Variants in DNAH12 observed in about 807,000 individuals in gnomAD.
DNAH12 encodes the protein axonemal beta dynein heavy chain 12.
In DNAH12, 285 loss-of-function variants were observed where a neutral mutation model predicts 371.5. The ratio of observed to expected loss-of-function variants is 0.77; its 90% CI spans 0.70 to 0.85. DNAH12 has a LOEUF of 0.85. Ranked by LOEUF, DNAH12 falls within the 40% of genes least tolerant of loss-of-function variation. The pLI is 0.00. For missense variants in DNAH12, 3,611 were observed against 3,689.4 expected (o/e 0.98, Z 0.55); for synonymous variants, 1,200 against 1,213.0 (o/e 0.99, Z 0.22).
intron 57 of DNAH12, among the ~76,000 whole-genome samples, 167 bp downstream of exon 57, chr3:57,366,562 G>A (rs2063056752): frequency 6.6e-6 from 1 of 152,138 alleles, no homozygotes; most frequent in Non-Finnish European, 1.5e-5. Context: ...AACACGGTTG[G>A]CTTATAACTT....
intron 11 of DNAH12, among the ~76,000 whole-genome samples, chr3:57,495,120 C>T (rs1391424380): frequency 6.6e-6 from 1 of 151,882 alleles, no homozygotes; most frequent in African/African-American, 2.4e-5. Flanking sequence ...TAACAGAGTA[C>T]CAAAATATGT....
intron 2 of DNAH12, among the ~76,000 whole-genome samples, chr3:57,538,186 C>T (rs545368533): frequency 6.6e-6 from 1 of 152,116 alleles, no homozygotes; most frequent in Non-Finnish European, 1.5e-5. Flanking sequence ...GCAAAGTGAG[C>T]GCTGACTGAA....
chr3:57,492,014 T>C (rs989906457), intron 11 of DNAH12, among the ~76,000 whole-genome samples: 1 of 151,444 alleles, frequency 6.6e-6, no homozygotes, highest in Admixed American at 6.6e-5. Flanking sequence ...AAAAAAAAAT[T>C]AGACGGGCAT....
chr3:57,337,768 A>C (rs978025978), intron 60 of DNAH12, among the ~76,000 whole-genome samples: 8 of 152,206 alleles, frequency 5.3e-5, no homozygotes, highest in Non-Finnish European at 7.3e-5. Context: ...ACCCCAATAC[A>C]ACAACAGTTG....
At position 57,418,737 on chromosome 3, in the gene DNAH12, CTTCT is replaced by C. The variant is rs759737809; in HGVS notation, c.5714+626_5714+629del. On this transcript the variant is annotated intron_variant, in intron 37 of 73. Transcript: ENST00000495027. ...GGTCACAGAATGCATTCAGGAACAG[CTTCT>C]TTATCAAAAAAATGACATTTATGAT... Among the ~76,000 whole-genome samples, 147 of 152,082 alleles carry C rather than the reference CTTCT, an allele frequency of 9.7e-4. 1 individual carries two copies. The highest frequency in any genetic ancestry group is 1.6e-3 in the Non-Finnish European group (112 of 67,988).
At position 57,405,043 on chromosome 3, in the gene DNAH12, A is replaced by G. The variant is rs907654130; in HGVS notation, c.6681T>C (p.Phe2227=). Residue 2227 remains phenylalanine (F), a synonymous_variant, in exon 42 of 74, where the codon TTT becomes TTC. Coordinates refer to ENST00000495027, the MANE Select transcript of DNAH12 (RefSeq NM_001366028.2). Reference sequence around the variant, plus strand: ...CTAAGCACTGGTCCACAACATCACTAAAATGATGAATATTTGGAATTTCAA... The same window carrying G: ...CTAAGCACTGGTCCACAACATCACTGAAATGATGAATATTTGGAATTTCAA... ...VYIEIPNIHH[F]SDVVDQCLDE... 1.4e-5 allele frequency: 21 copies of G among 1,546,676 alleles called. No individual in the cohort carries two copies. The highest frequency in any genetic ancestry group is 1.8e-5 in the Non-Finnish European group (21 of 1,145,510).
At chr3:57,438,106 C>T (rs934991217) in intron 29 of DNAH12, among the ~76,000 whole-genome samples, 1 of 152,046 alleles carries the variant, frequency 6.6e-6, no homozygotes, top group African/African-American at 2.4e-5. Context: ...ATCAGGAGTT[C>T]AAGACCAGCC....
chr3:57,390,511 A>G (rs1207449654), intron 45 of DNAH12, among the ~76,000 whole-genome samples: 1 of 136,094 alleles, frequency 7.3e-6, no homozygotes, highest in Non-Finnish European at 1.6e-5. Context: ...TGATTTCCCA[A>G]ACAAAACCAG....
chr3:57,359,559 C>CAAAAAAAAAAAAAAAAAAAAAAAAAAA (rs1268515074), intron 58 of DNAH12, among the ~76,000 whole-genome samples: 2 of 72,106 alleles, frequency 2.8e-5, no homozygotes, highest in African/African-American at 4.4e-5. Context: ...AACTCCATCT[C>CAAAAAAAAAAAAAAAAAAAAAAAAAAA]AAAAAAAAAA....
chr3:57,408,210 AAAAAT>A (rs1301806084), intron 40 of DNAH12, 65 bp downstream of exon 40: 4 of 1,428,220 alleles, frequency 2.8e-6, no homozygotes, highest in African/African-American at 1.5e-5. Flanking sequence ...ATAGCATCAA[AAAAAT>A]AAAATAAGCG....
chr3:57,352,335 G>A lies in DNAH12; in HGVS notation c.9534-110C>T, dbSNP rs145285928. The A allele has an allele frequency of 5.2e-5, 61 of 1,173,504 alleles. No homozygotes were observed. In the African/African-American group the frequency reaches 6.9e-4, roughly 13 times the overall value. 72.7% of individuals were successfully genotyped at this position (1,173,504 alleles called of 1,614,324 possible). ...TTATGAAAGTATCACTATTAAAAAC[G>A]TATAAAGATACACACACGAGGGCAT... On this transcript the variant is annotated intron_variant, in intron 59 of 73. Transcript: ENST00000495027.
At chr3:57,325,278 T>C (rs2061914146) in intron 62 of DNAH12, among the ~76,000 whole-genome samples, 1 of 152,184 alleles carries the variant, frequency 6.6e-6, no homozygotes, top group African/African-American at 2.4e-5. Flanking sequence ...CTCAAGTGGG[T>C]CCCTGACCTC....
intron 62 of DNAH12, among the ~76,000 whole-genome samples, chr3:57,331,286 A>C (rs959114728): frequency 7.2e-5 from 11 of 152,320 alleles, no homozygotes; most frequent in Middle Eastern, 3.4e-3. Flanking sequence ...CAGGGGAGCC[A>C]TTCTGTAAAG....
intron 4 of DNAH12, among the ~76,000 whole-genome samples, chr3:57,520,716 C>T (rs1002114129): frequency 7.9e-5 from 12 of 151,994 alleles, no homozygotes; most frequent in Admixed American, 2.6e-4. Flanking sequence ...GCTGGGATTA[C>T]AGGTGTGAGC....
Position 57,419,451 on chromosome 3 carries a change from T to C in DNAH12, c.5630A>G (p.Gln1877Arg), listed in dbSNP as rs749735266. ...GACTATGATATCTTGAATCTTGATT[T>C]GTTTATCTCCTAAATTAGTATTTTT... The part of the protein sequence containing the change: ...LIKNTNLGDK[Q>R]IKIQDIIVPT... Residue 1877 changes from glutamine (Q) to arginine (R), a missense_variant, in exon 37 of 74, where the codon CAA (glutamine) becomes CGA (arginine). Gln to Arg is a conservative substitution (Grantham distance 43). Transcript: ENST00000495027. 1.3e-6 allele frequency: 2 copies of C among 1,506,002 alleles called. No homozygotes were observed. The highest frequency in any genetic ancestry group is 2.2e-4 in the Middle Eastern group (1 of 4,600). The allele number at this position is 1,506,002 out of a possible 1,614,324, so 93.3% of individuals were successfully genotyped here.
In DNAH12 at chr3:57,433,693, A is replaced by G. The variant is rs993858145; in HGVS notation, c.4791T>C (p.Ser1597=). ...GTCCAAAAAGTTGGCCCATAGTAAT[A>G]GATTTGGGGTTTACAGTTCTATAAA... ...KVIYRTVNPK[S]ITMGQLFGQF... is the part of the protein sequence containing the mutation. Residue 1597 remains serine, a synonymous_variant, in exon 31 of 74, where the codon TCT becomes TCC. Coordinates refer to ENST00000495027, the MANE Select transcript of DNAH12 (RefSeq NM_001366028.2). 3.2e-6 allele frequency: 5 copies of G among 1,550,860 alleles called. No individual in the cohort carries two copies. In the Admixed American group the frequency reaches 9.8e-5, roughly 30 times the overall value.
intron 43 of DNAH12, among the ~76,000 whole-genome samples, chr3:57,397,499 G>A (rs2063769342): frequency 6.6e-6 from 1 of 152,128 alleles, no homozygotes; most frequent in East Asian, 1.9e-4. Flanking sequence ...CTGCCTTCAG[G>A]TGCTAACAGG....
In DNAH12 at chr3:57,421,629, G is replaced by C; in HGVS notation, c.5451C>G (p.Phe1817Leu). 1.3e-6 allele frequency: 2 copies of C among 1,551,568 alleles called. No individual in the cohort carries two copies. Among genetic ancestry groups the C allele is most frequent in the Non-Finnish European group, 1.7e-6 (2 of 1,146,986 alleles). ...DTDGRRVFDTFIRLIILGKDD... is the reference protein window; with the variant it reads ...DTDGRRVFDTLIRLIILGKDD... ...CTTTTCCCAGTATGATTAATCGTAT[G>C]AAAGTATCAAAAACACGACGGCCAT... The change falls in exon 36 of 74, where the codon TTC (phenylalanine) becomes TTG (leucine). Residue 1817 changes from phenylalanine to leucine, a missense_variant. Transcript: ENST00000495027.
In DNAH12 at chr3:57,446,642, T is replaced by C. The variant is rs746513529; in HGVS notation, c.3834A>G (p.Ala1278=). 1.9e-6 allele frequency: 3 copies of C among 1,549,830 alleles called. No homozygotes were observed. Among genetic ancestry groups the C allele is most frequent in the East Asian group, 2.4e-5 (1 of 40,896 alleles). Residue 1278 remains alanine, a synonymous_variant, in exon 26 of 74, where the codon GCA becomes GCG. Coordinates refer to ENST00000495027, the MANE Select transcript of DNAH12 (RefSeq NM_001366028.2). Reference sequence around the variant, plus strand: ...TGGTGGTTTCGGTTTTTCCTGTGCCTGCTGGCCCCTCTGGAGCACCTCCAA... The same window carrying C: ...TGGTGGTTTCGGTTTTTCCTGTGCCCGCTGGCCCCTCTGGAGCACCTCCAA... ...LNLGGAPEGP[A]GTGKTETTKD... is the part of the protein sequence containing the mutation.
Sources: allele counts gnomAD v4.1 joint callset (sites outside exome capture counted in the v4.1 genomes callset), GRCh38; gene constraint gnomAD v4.1.1; transcripts MANE v1.5; gene names NCBI Gene and HGNC (gene_info 2026-07-23, HGNC 2026-07-21).